Variants in PCDH9 observed in about 807,000 individuals in gnomAD.
PCDH9 encodes the protein protocadherin 9.
PCDH9 carries 24 observed loss-of-function variants against 70.6 expected under a neutral mutation model. The ratio of observed to expected loss-of-function variants is 0.34; its 90% CI spans 0.25 to 0.48. PCDH9 has a LOEUF of 0.48. Among genes scored for constraint, PCDH9 ranks in the 20% least tolerant of loss-of-function variants. The pLI is 0.99. For missense variants in PCDH9, 1,281 were observed against 1,503.6 expected, an observed-to-expected ratio of 0.85 and a Z score of 2.45; for synonymous variants, 562 against 558.5, an observed-to-expected ratio of 1.01 and a Z score of -0.09.
At chr13:66,326,054 T>C (rs532667326) in intron 4 of PCDH9, among the ~76,000 whole-genome samples, 80 of 152,262 alleles carry the variant, frequency 5.3e-4, no homozygotes, top group Admixed American at 2.2e-3. Context: ...TTGTTTCATA[T>C]CCAGAAAACT....
At chr13:66,743,679 C>T (rs1179582345) in intron 3 of PCDH9, among the ~76,000 whole-genome samples, 2 of 151,828 alleles carry the variant, frequency 1.3e-5, no homozygotes, top group African/African-American at 4.9e-5. Context: ...ATATGAGTAA[C>T]ACATATGTTA....
At chr13:66,316,314 A>T (rs1256428960) in intron 4 of PCDH9, among the ~76,000 whole-genome samples, 1 of 152,214 alleles carries the variant, frequency 6.6e-6, no homozygotes, top group African/African-American at 2.4e-5. Flanking sequence ...GGGGACTAAG[A>T]CATGGATATA....
chr13:66,663,475 T>C (rs924911204), intron 3 of PCDH9, among the ~76,000 whole-genome samples: 1 of 152,140 alleles, frequency 6.6e-6, no homozygotes, highest in African/African-American at 2.4e-5. Flanking sequence ...ATTTGAGAAA[T>C]AAACGTGAGG....
chr13:66,700,190 A>C (rs1436521238), intron 3 of PCDH9, among the ~76,000 whole-genome samples: 2 of 152,252 alleles, frequency 1.3e-5, no homozygotes, highest in South Asian at 2.1e-4. Flanking sequence ...ATGGGGTGAG[A>C]GAATCGCTAT....
chr13:67,171,685 T>C (rs183380739), intron 2 of PCDH9, among the ~76,000 whole-genome samples: 504 of 152,280 alleles, frequency 3.3e-3, no homozygotes, highest in African/African-American at 0.012. Context: ...TCCCCCAGGA[T>C]TTGAATTCTG....
chr13:66,307,793 T>A (rs1373276556), intron 4 of PCDH9, among the ~76,000 whole-genome samples: 5 of 152,076 alleles, frequency 3.3e-5, no homozygotes, highest in Admixed American at 3.3e-4. Context: ...TGCCATCTTA[T>A]TAATTTAAGA....
chr13:66,730,832 T>G (rs1354612239), intron 3 of PCDH9, among the ~76,000 whole-genome samples: 1 of 150,532 alleles, frequency 6.6e-6, no homozygotes, highest in Non-Finnish European at 1.5e-5. Context: ...GAACTTGCTA[T>G]CATGCCTGGC....
chr13:66,316,386 T>A (rs2138075549), intron 4 of PCDH9, among the ~76,000 whole-genome samples: 1 of 152,300 alleles, frequency 6.6e-6, no homozygotes, highest in East Asian at 1.9e-4. Context: ...CTCCTCTGCT[T>A]CCAATCACAC....
chr13:66,889,496 T>A (rs893946460), intron 3 of PCDH9, among the ~76,000 whole-genome samples: 1 of 152,146 alleles, frequency 6.6e-6, no homozygotes, highest in African/African-American at 2.4e-5. Context: ...TGCTGGTAAA[T>A]GAGCTTTTTG....
At chr13:66,825,899 TA>T (rs1327876222) in intron 3 of PCDH9, among the ~76,000 whole-genome samples, 1 of 152,116 alleles carries the variant, frequency 6.6e-6, no homozygotes, top group Non-Finnish European at 1.5e-5. Context: ...CTAATTTTTT[TA>T]AAAAAGAATG....
chr13:66,855,180 A>AG (rs2081375128), intron 3 of PCDH9, among the ~76,000 whole-genome samples: 1 of 152,092 alleles, frequency 6.6e-6, no homozygotes, highest in Non-Finnish European at 1.5e-5. Context: ...TGGGAAGATG[A>AG]CTTGTCTGTG....
chr13:66,921,034 T>C (rs897642137), intron 2 of PCDH9, among the ~76,000 whole-genome samples: 3 of 151,196 alleles, frequency 2.0e-5, no homozygotes, highest in Admixed American at 1.3e-4. Context: ...TGACTGAAGA[T>C]GATCAATGCT....
chr13:67,126,307 C>T (rs1389626635), intron 2 of PCDH9, among the ~76,000 whole-genome samples: 1 of 152,022 alleles, frequency 6.6e-6, no homozygotes, highest in African/African-American at 2.4e-5. Flanking sequence ...AAGCCCTCAC[C>T]AGATCAGAGT....
At chr13:67,000,696 T>C (rs1012271763) in intron 2 of PCDH9, among the ~76,000 whole-genome samples, 5 of 152,146 alleles carry the variant, frequency 3.3e-5, no homozygotes, top group Non-Finnish European at 5.9e-5. Context: ...AAAATAAAGT[T>C]CACAAATAAT....
At chr13:66,944,841 G>GTGTGTGTGTC (rs994299009) in intron 2 of PCDH9, among the ~76,000 whole-genome samples, 8 of 148,456 alleles carry the variant, frequency 5.4e-5, no homozygotes, top group African/African-American at 2.0e-4. Flanking sequence ...GTGTGTGTGT[G>GTGTGTGTGTC]TGTGTGTGTG....
chr13:66,589,333 T>C (rs1258187526), intron 4 of PCDH9, among the ~76,000 whole-genome samples: 1 of 152,018 alleles, frequency 6.6e-6, no homozygotes, highest in Non-Finnish European at 1.5e-5. Flanking sequence ...ACGATGACTA[T>C]AGGTAACAAA....
chr13:67,084,346 G>T (rs564456757), intron 2 of PCDH9, among the ~76,000 whole-genome samples: 2 of 152,218 alleles, frequency 1.3e-5, no homozygotes, highest in South Asian at 4.2e-4. Flanking sequence ...CCACTCATGA[G>T]CCAGAGCTGA....
chr13:66,662,956 A>T (rs2078035835), intron 3 of PCDH9, among the ~76,000 whole-genome samples: 1 of 152,238 alleles, frequency 6.6e-6, no homozygotes, highest in Admixed American at 6.5e-5. Context: ...GAGTTCCCTT[A>T]TAGATTTAAA....
chr13:67,224,309 G>A (rs1161252662), intron 2 of PCDH9: 1 of 152,136 alleles, frequency 6.6e-6, no homozygotes, highest in Non-Finnish European at 1.5e-5. Context: ...AGTTGCTCCA[G>A]AGCAACTATC....
Sources: gnomAD v4.1 joint callset for allele counts (sites outside exome capture counted in the v4.1 genomes callset) on GRCh38, gnomAD v4.1.1 for gene constraint, MANE v1.5 for transcripts, NCBI Gene and HGNC (gene_info 2026-07-23, HGNC 2026-07-21) for gene names.